Variants in SCLY observed in about 807,000 individuals in gnomAD.
SCLY encodes selenocysteine lyase.
SCLY carries 38 observed loss-of-function variants against 50.1 expected under a neutral mutation model. The ratio of observed to expected loss-of-function variants is 0.76; its 90% CI spans 0.59 to 0.99. The LOEUF is 0.99. Among genes scored for constraint, SCLY ranks in the 50% least tolerant of loss-of-function variants. SCLY has a pLI of 0.00. For synonymous variants in SCLY, 243 were observed against 249.4 expected (o/e 0.97, Z 0.24); for missense variants, 600 against 620.0 (o/e 0.97, Z 0.34).
At chr2:238,094,043 G>A (rs745325536) in intron 9 of SCLY, 99 bp downstream of exon 9, 74 of 1,045,296 alleles carry the variant, frequency 7.1e-5, no homozygotes, top group Non-Finnish European at 1.0e-4. Flanking sequence ...GGACCTGTGG[G>A]GATTGCAGCG....
chr2:238,065,276 G>C (rs1055870028), intron 2 of SCLY, among the ~76,000 whole-genome samples: 1 of 152,202 alleles, frequency 6.6e-6, no homozygotes, highest in African/African-American at 2.4e-5. Context: ...TAACTTATTT[G>C]TTGGCTTATT....
chr2:238,098,576 TGGG>T lies in SCLY; in HGVS notation c.*222_*224del. 2 of 424,020 alleles carry T rather than the reference TGGG, an allele frequency of 4.7e-6. No homozygotes were observed. Among genetic ancestry groups the T allele is most frequent in the Non-Finnish European group, 7.9e-6 (2 of 251,890 alleles). 26.3% of individuals were successfully genotyped at this position (424,020 alleles called of 1,614,324 possible). A position where few individuals can be genotyped will look rare whatever the true frequency, so the allele number is the denominator to read the frequency against. On this transcript the variant is annotated 3_prime_UTR_variant, in exon 12 of 12. Coordinates refer to ENST00000254663, the MANE Select transcript of SCLY (RefSeq NM_016510.7). Reference sequence around the variant, plus strand: ...CCAACGCCGCATAGGACTGCCCACATGGGACCGCCCACATAGGACCGCCCACAT... The same window carrying T: ...CCAACGCCGCATAGGACTGCCCACATACCGCCCACATAGGACCGCCCACAT...
intron 4 of SCLY, chr2:238,073,702 C>G (rs928487232): frequency 3.2e-5 from 15 of 464,334 alleles, no homozygotes; most frequent in Non-Finnish European, 4.9e-5. Context: ...CTCTGTGGGT[C>G]TACTTATATG....
At chr2:238,071,356 C>T (rs1439748517) in intron 4 of SCLY, among the ~76,000 whole-genome samples, 3 of 152,140 alleles carry the variant, frequency 2.0e-5, no homozygotes. Context: ...CCTGTCATCC[C>T]GGCACTTTGG....
At chr2:238,086,053 T>A (rs1265886840) in intron 7 of SCLY, among the ~76,000 whole-genome samples, 2 of 152,238 alleles carry the variant, frequency 1.3e-5, no homozygotes, top group African/African-American at 4.8e-5. Context: ...AGAATTTGGA[T>A]GACTGAATTT....
At chr2:238,085,890 CAT>C (rs944077615) in intron 7 of SCLY, among the ~76,000 whole-genome samples, 2 of 152,138 alleles carry the variant, frequency 1.3e-5, no homozygotes, top group African/African-American at 4.8e-5. Context: ...TGGCAAGAGA[CAT>C]AAACATACAG....
intron 11 of SCLY, 115 bp downstream of exon 11, chr2:238,096,991 C>T (rs2065444313): frequency 1.9e-6 from 2 of 1,028,306 alleles, no homozygotes; most frequent in Non-Finnish European, 1.4e-6. Flanking sequence ...GAAGGACAGC[C>T]CTGTCTGGGC....
rs944380070 is a variant in SCLY, at chr2:238,069,408, A to G, written c.415A>G (p.Ile139Val). ...AGTGAAGGGGGCCAAGCCCCATTTC[A>G]TTACTTCCTCGGTGGAACACGACTC... ...SPVKGAKPHF[I>V]TSSVEHDSIR... Residue 139 changes from isoleucine (I) to valine (V), a missense_variant, in exon 4 of 12, where the codon ATT (isoleucine) becomes GTT (valine). Ile to Val is a conservative substitution (Grantham distance 29). Transcript: ENST00000254663. This position sits in a 1 kb window ranked among gnomAD's most constrained non-coding sequence, Gnocchi z 5.0. The G allele has an allele frequency of 1.2e-6, 2 of 1,614,022 alleles. No homozygotes were observed. Among genetic ancestry groups the G allele is most frequent in the South Asian group, 1.1e-5 (1 of 91,018 alleles).
At chr2:238,095,662 C>T (rs945125329) in intron 10 of SCLY, 5 of 152,208 alleles carry the variant, frequency 3.3e-5, no homozygotes, top group Admixed American at 6.5e-5. Flanking sequence ...TCTCTGTCAA[C>T]GTTCCCCTTG....
intron 1 of SCLY, 38 bp downstream of exon 1, chr2:238,061,181 G>A: frequency 7.0e-7 from 1 of 1,427,230 alleles, no homozygotes; most frequent in Non-Finnish European, 9.6e-7. Context: ...AGCGGCCGGC[G>A]CCTGTCGCCG....
chr2:238,082,339 G>T, intron 6 of SCLY, 130 bp downstream of exon 6: 1 of 901,302 alleles, frequency 1.1e-6, no homozygotes, highest in Non-Finnish European at 1.7e-6. Context: ...AGCAACGTGG[G>T]ATCCTTGTCC....
At position 238,081,801 on chromosome 2, in the gene SCLY, A is replaced by G; in HGVS notation, c.577A>G (p.Ile193Val). The G allele has an allele frequency of 1.2e-6, 2 of 1,614,110 alleles. No individual in the cohort carries two copies. The highest frequency in any genetic ancestry group is 1.7e-6 in the Non-Finnish European group (2 of 1,180,032). Residue 193 changes from isoleucine (I) to valine (V), a missense_variant, in exon 5 of 12, where the codon ATC becomes GTC. Ile to Val is a conservative substitution (Grantham distance 29). Coordinates refer to ENST00000254663, the MANE Select transcript of SCLY (RefSeq NM_016510.7). Reference sequence around the variant, plus strand: ...CCGCCCGACCACACGCCTCGTGACCATCATGCTGGCCAACAATGAGACTGG... The same window carrying G: ...CCGCCCGACCACACGCCTCGTGACCGTCATGCTGGCCAACAATGAGACTGG... The part of the protein sequence containing the change: ...AVRPTTRLVT[I>V]MLANNETGIV...
Position 238,061,013 on chromosome 2 carries a change from C to G in SCLY, c.-42C>G. 7.4e-7 allele frequency: 1 copy of G among 1,342,558 alleles called. No individual in the cohort carries two copies. The highest frequency in any genetic ancestry group is 9.5e-7 in the Non-Finnish European group (1 of 1,048,822). The allele number at this position is 1,342,558 out of a possible 1,614,324, so 83.2% of individuals were successfully genotyped here. A position where few individuals can be genotyped will look rare whatever the true frequency, so the allele number is the denominator to read the frequency against. On this transcript the variant is annotated 5_prime_UTR_variant, in exon 1 of 12. Coordinates refer to ENST00000254663, the MANE Select transcript of SCLY (RefSeq NM_016510.7). ...CCCGGCGCTCTGGGCCCGTAGCGCTCCGCGGGAAGGAGGCTGGATGCCCGG... is the reference window on the plus strand; with the variant it reads ...CCCGGCGCTCTGGGCCCGTAGCGCTGCGCGGGAAGGAGGCTGGATGCCCGG...
intron 1 of SCLY, among the ~76,000 whole-genome samples, chr2:238,062,659 G>A (rs1318734998): frequency 5.9e-5 from 9 of 152,222 alleles, no homozygotes; most frequent in African/African-American, 2.2e-4. Flanking sequence ...TGATCTGCCC[G>A]CCTTGGCCTC....
intron 4 of SCLY, among the ~76,000 whole-genome samples, chr2:238,070,462 T>A (rs7569765): frequency 0.037 from 5,648 of 152,088 alleles, 353 homozygotes; most frequent in African/African-American, 0.13. Context: ...GGTGGATCAC[T>A]TGAGGTCAGG....
intron 7 of SCLY, among the ~76,000 whole-genome samples, chr2:238,090,979 G>T (rs952948933): frequency 6.6e-6 from 1 of 152,202 alleles, no homozygotes; most frequent in Non-Finnish European, 1.5e-5. Flanking sequence ...AACTGTCACA[G>T]TGAACACCCA....
intron 8 of SCLY, chr2:238,091,550 C>CTGGT: frequency 2.4e-6 from 1 of 408,672 alleles, no homozygotes; most frequent in South Asian, 2.5e-5. Flanking sequence ...GCAGGTTCAC[C>CTGGT]ATTCCCAAAG....
In SCLY at chr2:238,069,561, A is replaced by G; in HGVS notation, c.484+84A>G. The G allele has an allele frequency of 2.4e-6, 3 of 1,248,716 alleles. No homozygotes were observed. Among genetic ancestry groups the G allele is most frequent in the Non-Finnish European group, 3.3e-6 (3 of 909,066 alleles). 77.4% of individuals were successfully genotyped at this position (1,248,716 alleles called of 1,614,324 possible). ...AAGTGGCCTGCGAGCAGAGCCCGGG[A>G]TCCGCTGCAGAGATGTAGATTCAGT... is the stretch of plus-strand genomic sequence containing the variant. On this transcript the variant is annotated intron_variant, in intron 4 of 11. Transcript: ENST00000254663. This position sits in a 1 kb window ranked among gnomAD's most constrained non-coding sequence, Gnocchi z 5.0.
In SCLY at chr2:238,083,068, G is replaced by A. The variant is rs979355259; in HGVS notation, c.778-180G>A. 1.2e-5 allele frequency: 8 copies of A among 684,572 alleles called. No homozygotes were observed. The African/African-American group carries it at 1.4e-4, about 12-fold the overall frequency. The allele number at this position is 684,572 out of a possible 1,614,324, so 42.4% of individuals were successfully genotyped here. A position where few individuals can be genotyped will look rare whatever the true frequency, so the allele number is the denominator to read the frequency against. ...GCCTCCTAGGTTGGGGTTCCACCCT[G>A]CCCCGAAGGCTTTTGTGACTCTGCG... is the stretch of plus-strand genomic sequence containing the variant. On this transcript the variant is annotated intron_variant, in intron 6 of 11. Transcript: ENST00000254663. The surrounding 1 kb of genome is among the most constrained non-coding windows in gnomAD (Gnocchi z 4.3).
Sources: gnomAD v4.1 joint callset for allele counts (sites outside exome capture counted in the v4.1 genomes callset) on GRCh38, gnomAD v4.1.1 for gene constraint, Gnocchi (gnomAD v3.1) non-coding constraint, MANE v1.5 for transcripts, NCBI Gene and HGNC (gene_info 2026-07-23, HGNC 2026-07-21) for gene names.